Variants in NAV3 observed in about 807,000 individuals in gnomAD.
NAV3 encodes the protein pore membrane and/or filament interacting like protein 1.
Under a neutral mutation model 244.7 loss-of-function variants are expected in NAV3, and 87 were observed. The ratio of observed to expected loss-of-function variants is 0.36; its 90% confidence interval spans 0.30 to 0.42. The LOEUF is 0.42. NAV3 is among the 20% of genes least tolerant of loss of function. The pLI is 1.00. For synonymous variants in NAV3, 1,126 were observed against 1,042.2 expected, an observed-to-expected ratio of 1.08 and a Z score of -1.55; for missense variants, 2,663 against 2,893.3, an observed-to-expected ratio of 0.92 and a Z score of 1.83.
intron 2 of NAV3, among the ~76,000 whole-genome samples, chr12:77,588,022 C>G (rs1355190763): frequency 6.6e-6 from 1 of 152,182 alleles, no homozygotes; most frequent in African/African-American, 2.4e-5. Flanking sequence ...TAACATCTTA[C>G]AATTTCCATA....
chr12:77,966,146 G>A (rs1167367800), intron 3 of NAV3, 83 bp from the exon 4 acceptor site: 17 of 1,119,302 alleles, frequency 1.5e-5, no homozygotes, highest in Admixed American at 1.8e-5. Context: ...ATTCTTTATC[G>A]TTCTTTCTGG....
At position 78,187,743 on chromosome 12, in the gene NAV3, G is replaced by A. The variant is rs144377826; in HGVS notation, c.5791-505G>A. Among the ~76,000 whole-genome samples the A allele has an allele frequency of 4.3e-3, 652 of 151,922 alleles. 5 individuals carry two copies. The highest frequency in any genetic ancestry group is 0.015 in the African/African-American group (628 of 41,500). On this transcript the variant is annotated intron_variant, in intron 31 of 39. Transcript: ENST00000397909. ...TATCATAGATAACACATTTTAAAGC[G>A]AGATTGGATTCTAGATTAAAATTAA...
At chr12:78,099,267 T>C (rs1954418298) in intron 12 of NAV3, among the ~76,000 whole-genome samples, 1 of 151,546 alleles carries the variant, frequency 6.6e-6, no homozygotes, top group African/African-American at 2.4e-5. Context: ...TTATAAATAA[T>C]GAATTAGAAA....
chr12:78,029,363 C>T (rs1173026201), intron 9 of NAV3, among the ~76,000 whole-genome samples: 1 of 152,086 alleles, frequency 6.6e-6, no homozygotes, highest in African/African-American at 2.4e-5. Context: ...ACAATGTTAA[C>T]ACTGCAGAAA....
intron 5 of NAV3, among the ~76,000 whole-genome samples, chr12:77,978,390 A>T (rs892697509): frequency 8.5e-5 from 13 of 152,162 alleles, no homozygotes; most frequent in Non-Finnish European, 1.9e-4. Context: ...TTTCTATCAA[A>T]CACTAGAAAT....
chr12:77,914,983 T>C (rs140203209), intron 1 of NAV3, among the ~76,000 whole-genome samples: 2,659 of 152,136 alleles, frequency 0.017, 37 homozygotes, highest in Non-Finnish European at 0.03. Flanking sequence ...AAAGATCTTT[T>C]TGTTTAGTTA....
intron 2 of NAV3, among the ~76,000 whole-genome samples, chr12:77,750,365 A>G (rs535140479): frequency 1.3e-5 from 2 of 152,090 alleles, no homozygotes; most frequent in East Asian, 3.9e-4. Flanking sequence ...AACAACAACA[A>G]CAAAAATACA....
At chr12:78,202,463 G>A (rs1424698231) in intron 38 of NAV3, among the ~76,000 whole-genome samples, 1 of 151,808 alleles carries the variant, frequency 6.6e-6, no homozygotes, top group African/African-American at 2.4e-5. Flanking sequence ...TATTTCAAAA[G>A]GTACATGGGT....
chr12:77,926,702 C>T, intron 1 of NAV3, among the ~76,000 whole-genome samples: 1 of 152,098 alleles, frequency 6.6e-6, no homozygotes. Context: ...ATTTGTTGGG[C>T]CCCACTACCA....
rs1006923694 is a variant in NAV3 at position 77,777,142 on chromosome 12, C to A, written c.73-163177C>A. ...TGGAAATATAAAACTGCAGATAGCA[C>A]CAAACCCTATATATTTGCTTTTTGT... On this transcript the variant is annotated intron_variant, in intron 2 of 8. Transcript: ENST00000550042. Among the ~76,000 whole-genome samples the A allele has an allele frequency of 4.6e-5, 7 of 152,234 alleles. No individual in the cohort carries two copies. The East Asian group carries it at 1.4e-3, about 29-fold the overall frequency.
rs1009953267 is a variant in NAV3 at position 77,878,800 on chromosome 12, C to T, written c.243+47096C>T. Among the ~76,000 whole-genome samples, 6 of 150,220 alleles carry T rather than the reference C, an allele frequency of 4.0e-5. No individual in the cohort carries two copies. The East Asian group carries it at 9.8e-4, about 24-fold the overall frequency. On this transcript the variant is annotated intron_variant, in intron 1 of 39. Transcript: ENST00000397909. Reference sequence around the variant, plus strand: ...TTAATTCTATCATTTTTTTTTTTAGCGTTCCCATCGTATTTACTCTTTCCT... The same window carrying T: ...TTAATTCTATCATTTTTTTTTTTAGTGTTCCCATCGTATTTACTCTTTCCT...
intron 3 of NAV3, chr12:77,947,336 G>A (rs943142075): frequency 1.3e-5 from 2 of 150,634 alleles, no homozygotes; most frequent in African/African-American, 4.9e-5. Flanking sequence ...AAAAGCCCAT[G>A]CTTTTATCAG....
intron 2 of NAV3, among the ~76,000 whole-genome samples, chr12:77,765,494 G>T (rs1189147619): frequency 6.6e-6 from 1 of 152,180 alleles, no homozygotes; most frequent in Non-Finnish European, 1.5e-5. Flanking sequence ...GAGCACAAAA[G>T]CAGCAGCAGA....
intron 2 of NAV3, 105 bp downstream of exon 2, chr12:77,940,541 G>A: frequency 1.3e-6 from 1 of 786,140 alleles, no homozygotes; most frequent in East Asian, 2.5e-5. Flanking sequence ...ATGTGTCTCT[G>A]AGATTCATGT....
chr12:78,038,034 T>A (rs1880211655), intron 9 of NAV3, among the ~76,000 whole-genome samples: 1 of 152,240 alleles, frequency 6.6e-6, no homozygotes, highest in South Asian at 2.1e-4. Flanking sequence ...GACTATGAAC[T>A]GTTTTCATAC....
At chr12:77,733,508 T>C (rs1372258222) in intron 2 of NAV3, among the ~76,000 whole-genome samples, 2 of 151,990 alleles carry the variant, frequency 1.3e-5, no homozygotes, top group African/African-American at 2.4e-5. Context: ...ATAAATCACC[T>C]GTATAAATTG....
At chr12:77,879,864 G>T (rs1882401905) in intron 1 of NAV3, among the ~76,000 whole-genome samples, 1 of 151,982 alleles carries the variant, frequency 6.6e-6, no homozygotes, top group Admixed American at 6.6e-5. Context: ...CTATAATTTT[G>T]TAGTACACAG....
At chr12:77,893,536 A>G (rs1322324170) in intron 1 of NAV3, among the ~76,000 whole-genome samples, 1 of 152,156 alleles carries the variant, frequency 6.6e-6, no homozygotes. Flanking sequence ...CTTATTAAAA[A>G]TGAATTGATT....
At chr12:77,613,241 G>C (rs906711018) in intron 2 of NAV3, among the ~76,000 whole-genome samples, 1 of 152,158 alleles carries the variant, frequency 6.6e-6, no homozygotes, top group African/African-American at 2.4e-5. Context: ...TACAATGAGT[G>C]CATTTTATGC....
Sources: allele counts gnomAD v4.1 joint callset (sites outside exome capture counted in the v4.1 genomes callset), GRCh38; gene constraint gnomAD v4.1.1; transcripts MANE v1.5; gene names NCBI Gene and HGNC (gene_info 2026-07-23, HGNC 2026-07-21).